The following KLF8 variants were observed in gnomAD, a reference collection of about 807,000 sequenced individuals.
KLF8 encodes the protein KLF transcription factor 8.
A neutral mutation model predicts 18.2 loss-of-function variants in KLF8; 10 were observed. The ratio of observed to expected loss-of-function variants is 0.55; its 90% confidence interval spans 0.34 to 0.93. KLF8 has a LOEUF of 0.93. Among genes scored for constraint, KLF8 ranks in the 40% least tolerant of loss-of-function variants. The pLI is 0.02. For missense variants in KLF8, 264 were observed against 277.9 expected (o/e 0.95, Z 0.36); for synonymous variants, 109 against 97.3 (o/e 1.12, Z -0.71).
At chrX:56,048,356 G>A in the KLF8 span, among the ~76,000 whole-genome samples, 1 of 111,818 alleles carries the variant, frequency 8.9e-6, no homozygotes, top group Non-Finnish European at 1.9e-5. Flanking sequence ...TCTATGTCCT[G>A]AATGGTATTG....
the KLF8 span, among the ~76,000 whole-genome samples, chrX:56,086,337 A>T: frequency 9.0e-6 from 1 of 111,435 alleles, no homozygotes; most frequent in Non-Finnish European, 1.9e-5. Context: ...CCTCCCAGTG[A>T]TTGATTTTCT....
the KLF8 span, among the ~76,000 whole-genome samples, chrX:56,066,638 T>C: frequency 9.0e-6 from 1 of 111,683 alleles, no homozygotes; most frequent in Non-Finnish European, 1.9e-5. Context: ...CTGTTAATGG[T>C]TCCTGCTTTA....
At chrX:56,109,822 G>A in the KLF8 span, among the ~76,000 whole-genome samples, 4 of 109,469 alleles carry the variant, frequency 3.7e-5, no homozygotes, top group African/African-American at 1.3e-4. Flanking sequence ...ACACATGCAG[G>A]ATGTGTAGGT....
At chrX:55,908,883 C>G in the KLF8 span, 1 of 152,401 alleles carries the variant, frequency 6.6e-6, no homozygotes. Context: ...GGCGAAATAG[C>G]CTCTTTCAAG....
the KLF8 span, among the ~76,000 whole-genome samples, chrX:56,034,057 G>C: frequency 1.8e-5 from 2 of 111,959 alleles, no homozygotes; most frequent in Non-Finnish European, 3.8e-5. Context: ...TGTTGCCTAA[G>C]ATTTTGGATG....
the KLF8 span, among the ~76,000 whole-genome samples, chrX:56,040,430 A>G: frequency 1.8e-5 from 2 of 112,156 alleles, no homozygotes; most frequent in African/African-American, 6.5e-5. Flanking sequence ...AGTTTTTAAC[A>G]AGAAGGAATG....
At chrX:56,163,368 T>C in the KLF8 span, among the ~76,000 whole-genome samples, 1 of 112,457 alleles carries the variant, frequency 8.9e-6, no homozygotes, top group East Asian at 2.8e-4. Flanking sequence ...TTTTTTGATA[T>C]GATTTTTGGC....
chrX:56,168,819 A>T, the KLF8 span, among the ~76,000 whole-genome samples: 1 of 111,276 alleles, frequency 9.0e-6, no homozygotes. Context: ...CCTACAAAGG[A>T]CATGAACTCA....
the KLF8 span, among the ~76,000 whole-genome samples, chrX:56,128,579 C>T: frequency 9.0e-6 from 1 of 111,470 alleles, no homozygotes; most frequent in Non-Finnish European, 1.9e-5. Context: ...CCATATTTGA[C>T]ATAATATAGG....
the KLF8 span, among the ~76,000 whole-genome samples, chrX:56,180,673 G>A: frequency 1.8e-5 from 2 of 110,347 alleles, no homozygotes; most frequent in African/African-American, 3.3e-5. Context: ...CTTTGTTCTC[G>A]TTGGTTTCAA....
chrX:56,096,164 G>A, the KLF8 span, among the ~76,000 whole-genome samples: 1 of 111,441 alleles, frequency 9.0e-6, no homozygotes, highest in Admixed American at 9.6e-5. Context: ...GGAACTGGAG[G>A]CCATTATCCT....
the KLF8 span, among the ~76,000 whole-genome samples, chrX:55,946,630 A>T: frequency 8.9e-6 from 1 of 111,894 alleles, no homozygotes; most frequent in African/African-American, 3.3e-5. Context: ...GCCAAAATTG[A>T]CGAATGGGAT....
At chrX:56,096,533 A>G in the KLF8 span, among the ~76,000 whole-genome samples, 1 of 111,924 alleles carries the variant, frequency 8.9e-6, no homozygotes. Flanking sequence ...GTGGGATGCA[A>G]CAAAAGCAGG....
At chrX:55,914,602 C>T in the KLF8 span, among the ~76,000 whole-genome samples, 6 of 111,329 alleles carry the variant, frequency 5.4e-5, no homozygotes, top group East Asian at 2.8e-4. Context: ...TGGGGTTAGA[C>T]GGTCAGAGAA....
At chrX:55,917,623 A>G in the KLF8 span, among the ~76,000 whole-genome samples, 1 of 111,176 alleles carries the variant, frequency 9.0e-6, no homozygotes, top group African/African-American at 3.3e-5. Flanking sequence ...TTAAATTTGT[A>G]TTTCACACCC....
the KLF8 span, among the ~76,000 whole-genome samples, chrX:56,015,714 C>T: frequency 1.8e-5 from 2 of 111,017 alleles, no homozygotes. Flanking sequence ...TAGAATACCA[C>T]CAGGGAAAAG....
chrX:56,256,310 G>T (rs368570012), intron 2 of KLF8, among the ~76,000 whole-genome samples: 8 of 110,689 alleles, frequency 7.2e-5, no homozygotes, highest in African/African-American at 2.6e-4. Flanking sequence ...TGTCAATTTT[G>T]TTTAACTTTT....
At chrX:55,925,022 A>AC in the KLF8 span, among the ~76,000 whole-genome samples, 86 of 86,418 alleles carry the variant, frequency 1.0e-3, no homozygotes, top group African/African-American at 3.6e-3. Context: ...CGCCCAGCTA[A>AC]TTTTTTTTTT....
chrX:56,141,279 C>T, the KLF8 span, among the ~76,000 whole-genome samples: 3 of 111,863 alleles, frequency 2.7e-5, no homozygotes, highest in East Asian at 8.4e-4. Context: ...CATTTGCTAA[C>T]AGTTAATTAA....
Sources: gnomAD v4.1 joint callset for allele counts (sites outside exome capture counted in the v4.1 genomes callset) on GRCh38, gnomAD v4.1.1 for gene constraint, MANE v1.5 for transcripts, NCBI Gene and HGNC (gene_info 2026-07-23, HGNC 2026-07-21) for gene names.